The following SGMS1 variants were observed in gnomAD, a reference collection of about 807,000 sequenced individuals.
SGMS1 encodes sphingomyelin synthase 1, also known as phosphatidylcholine:ceramide cholinephosphotransferase 1.
Under a neutral mutation model 46.2 loss-of-function variants are expected in SGMS1, and 13 were observed. The observed-to-expected ratio is 0.28, with a 90% CI of 0.18 to 0.45. SGMS1 has a LOEUF of 0.45. Among genes scored for constraint, SGMS1 ranks in the 20% least tolerant of loss-of-function variants. The pLI, the probability that SGMS1 is intolerant of heterozygous loss-of-function variation, is 1.00. For missense variants in SGMS1, 324 were observed against 519.9 expected, an observed-to-expected ratio of 0.62 and a Z score of 3.66; for synonymous variants, 203 against 187.8, an observed-to-expected ratio of 1.08 and a Z score of -0.66.
chr10:50,458,658 C>T (rs1248353544), intron 5 of SGMS1, among the ~76,000 whole-genome samples: 1 of 152,004 alleles, frequency 6.6e-6, no homozygotes, highest in African/African-American at 2.4e-5. Context: ...CGCTTCCGGC[C>T]GGCTCTATTC....
intron 6 of SGMS1, among the ~76,000 whole-genome samples, chr10:50,420,953 T>G (rs1478125950): frequency 6.6e-6 from 1 of 152,196 alleles, no homozygotes; most frequent in African/African-American, 2.4e-5. Context: ...GAAGGCTTCA[T>G]AAATATGTTT....
chr10:50,391,963 T>C (rs1247821492), intron 6 of SGMS1, among the ~76,000 whole-genome samples: 1 of 151,748 alleles, frequency 6.6e-6, no homozygotes, highest in East Asian at 1.9e-4. Flanking sequence ...CTCTCACTTA[T>C]AAGTGGAAGC....
intron 6 of SGMS1, among the ~76,000 whole-genome samples, chr10:50,426,884 C>T (rs934402807): frequency 1.3e-5 from 2 of 152,038 alleles, no homozygotes; most frequent in African/African-American, 4.8e-5. Context: ...TCTAAAATTG[C>T]GAGAGAACAA....
At chr10:50,502,231 T>C (rs1442121314) in intron 3 of SGMS1, among the ~76,000 whole-genome samples, 1 of 148,472 alleles carries the variant, frequency 6.7e-6, no homozygotes, top group East Asian at 2.1e-4. Flanking sequence ...TCATCTCTAC[T>C]GCCTGCAAAA....
chr10:50,447,967 G>C (rs1445848524), intron 5 of SGMS1, among the ~76,000 whole-genome samples: 1 of 152,128 alleles, frequency 6.6e-6, no homozygotes, highest in Non-Finnish European at 1.5e-5. Context: ...ACTGGGATAG[G>C]TTCCAGTGCA....
At chr10:50,576,896 A>T (rs7921226) in intron 2 of SGMS1, among the ~76,000 whole-genome samples, 21,296 of 152,248 alleles carry the variant, frequency 0.14, 1,752 homozygotes, top group Non-Finnish European at 0.19. Context: ...TGGGCAAATA[A>T]TCTAAATCCA....
chr10:50,332,250 C>T (rs139124669), intron 7 of SGMS1, among the ~76,000 whole-genome samples: 120 of 152,228 alleles, frequency 7.9e-4, no homozygotes, highest in African/African-American at 2.6e-3. Flanking sequence ...TTGCGAAGTC[C>T]CTCCTGCCTT....
intron 6 of SGMS1, among the ~76,000 whole-genome samples, chr10:50,387,325 C>G (rs1346285937): frequency 6.6e-6 from 1 of 152,184 alleles, no homozygotes; most frequent in Non-Finnish European, 1.5e-5. Flanking sequence ...GGTCAAAAAG[C>G]CTTCCACAAA....
intron 1 of SGMS1, among the ~76,000 whole-genome samples, chr10:50,612,303 T>C (rs983162209): frequency 1.3e-5 from 2 of 152,202 alleles, no homozygotes; most frequent in African/African-American, 4.8e-5. Context: ...AACATCCACA[T>C]TTTGCTCCCT....
chr10:50,573,421 G>C lies in SGMS1; in HGVS notation c.-589+16732C>G, dbSNP rs531991186. On this transcript the variant is annotated intron_variant, in intron 2 of 10. Coordinates refer to ENST00000361781, the MANE Select transcript of SGMS1 (RefSeq NM_147156.4). ...CAAAACAATCCAAAAAGGAAACTAA[G>C]AACAACTCATTTACAGTAGCACCAA... is the stretch of plus-strand genomic sequence containing the variant. Among the ~76,000 whole-genome samples the C allele has an allele frequency of 3.3e-5, 5 of 152,150 alleles. No homozygotes were observed. In the South Asian group the frequency reaches 8.3e-4, roughly 25 times the overall value.
chr10:50,594,541 T>C (rs1315344947), intron 1 of SGMS1, among the ~76,000 whole-genome samples: 3 of 152,236 alleles, frequency 2.0e-5, no homozygotes, highest in African/African-American at 7.2e-5. Context: ...ACCTATAAAA[T>C]TGTTATTTAT....
chr10:50,410,334 A>G (rs1849079015), intron 6 of SGMS1, among the ~76,000 whole-genome samples: 1 of 152,198 alleles, frequency 6.6e-6, no homozygotes, highest in African/African-American at 2.4e-5. Context: ...CTTAGAGTGC[A>G]GTGTTATCTG....
At chr10:50,399,252 C>T (rs2133532343) in intron 6 of SGMS1, among the ~76,000 whole-genome samples, 3 of 152,138 alleles carry the variant, frequency 2.0e-5, no homozygotes, top group Admixed American at 2.0e-4. Context: ...GCTCAAATTC[C>T]AAGTTTTGAG....
chr10:50,617,075 T>TG (rs970622214), intron 1 of SGMS1, among the ~76,000 whole-genome samples: 91 of 151,884 alleles, frequency 6.0e-4, no homozygotes, highest in African/African-American at 1.9e-3. Flanking sequence ...TAAAAAAAAT[T>TG]GGGGGGGCAT....
At chr10:50,606,034 T>C (rs945698075) in intron 1 of SGMS1, among the ~76,000 whole-genome samples, 4 of 152,272 alleles carry the variant, frequency 2.6e-5, no homozygotes, top group South Asian at 2.1e-4. Context: ...GAACAAATAT[T>C]TGTACACCTG....
intron 2 of SGMS1, among the ~76,000 whole-genome samples, chr10:50,574,196 C>T (rs1468908419): frequency 2.0e-5 from 3 of 151,930 alleles, no homozygotes; most frequent in Non-Finnish European, 2.9e-5. Flanking sequence ...AAAGAATCAA[C>T]GGAGTGAAAA....
intron 3 of SGMS1, among the ~76,000 whole-genome samples, chr10:50,472,135 G>A (rs142771050): frequency 1.2e-4 from 19 of 152,070 alleles, no homozygotes; most frequent in African/African-American, 3.9e-4. Context: ...ATAATGTGAT[G>A]TATTTTGATA....
chr10:50,523,216 C>T (rs1837871527), intron 2 of SGMS1, among the ~76,000 whole-genome samples: 1 of 152,194 alleles, frequency 6.6e-6, no homozygotes, highest in African/African-American at 2.4e-5. Context: ...TTACTTCTCT[C>T]TTTTTCTCTT....
rs1184423571 is a variant in SGMS1 at position 50,343,972 on chromosome 10, G to A, written c.143C>T (p.Pro48Leu). ...NLTQEDFKKP[P>L]LCRVSSDNGQ... ...ATTGTCAGAGGAGACTCGGCACAAG[G>A]GGGGTTTTTTGAAATCCTCTTGGGT... Residue 48 changes from proline (P) to leucine (L), a missense_variant, in exon 7 of 11, where the codon CCC (proline) becomes CTC (leucine). Pro to Leu is a moderately conservative substitution (Grantham distance 98). This residue lies in a region of SGMS1 where 150 missense variants were observed against 169.8 expected (regional missense o/e 0.88). Transcript: ENST00000361781. 1.2e-6 allele frequency: 2 copies of A among 1,614,150 alleles called. No individual in the cohort carries two copies. The highest frequency in any genetic ancestry group is 3.3e-5 in the Admixed American group (2 of 60,032).
Sources: gnomAD v4.1 joint callset for allele counts (sites outside exome capture counted in the v4.1 genomes callset) on GRCh38, gnomAD v4.1.1 for gene constraint, gnomAD v4.1.1 regional missense constraint, MANE v1.5 for transcripts, NCBI Gene and HGNC (gene_info 2026-07-23, HGNC 2026-07-21) for gene names.